The following GYG1 variants were observed in gnomAD, a reference collection of about 807,000 sequenced individuals.
GYG1 encodes glycogenin 1.
A neutral mutation model predicts 41.9 loss-of-function variants in GYG1; 44 were observed. The ratio of observed to expected loss-of-function variants is 1.05; its 90% confidence interval spans 0.83 to 1.35. GYG1 has a LOEUF of 1.35. GYG1 is among the 40% of genes most tolerant of loss of function. GYG1 has a pLI of 0.00. For synonymous variants in GYG1, 141 were observed against 158.1 expected, an observed-to-expected ratio of 0.89 and a Z score of 0.81; for missense variants, 429 against 418.9, an observed-to-expected ratio of 1.02 and a Z score of -0.21.
intron 4 of GYG1, among the ~76,000 whole-genome samples, chr3:148,999,029 C>CT (rs2107890375): frequency 6.6e-6 from 1 of 152,296 alleles, no homozygotes; most frequent in African/African-American, 2.4e-5. Flanking sequence ...AATTTCTAAC[C>CT]TAGAAAACGA....
At chr3:149,025,346 G>T (rs1714596082) in intron 6 of GYG1, among the ~76,000 whole-genome samples, 1 of 152,112 alleles carries the variant, frequency 6.6e-6, no homozygotes. Flanking sequence ...GCTTCTATGA[G>T]AATCTAACCA....
intron 5 of GYG1, among the ~76,000 whole-genome samples, chr3:149,021,169 A>G (rs1405346867): frequency 1.3e-5 from 2 of 152,224 alleles, no homozygotes; most frequent in Non-Finnish European, 2.9e-5. Flanking sequence ...CTGCCCTGAT[A>G]GCCCCAACTT....
intron 6 of GYG1, among the ~76,000 whole-genome samples, chr3:149,025,658 A>ATAT (rs1256940764): frequency 2.0e-5 from 3 of 152,194 alleles, no homozygotes; most frequent in African/African-American, 7.2e-5. Flanking sequence ...TAAAGAAGTT[A>ATAT]TATAACTTGT....
chr3:149,010,241 A>G lies in GYG1; in HGVS notation c.608+839A>G, dbSNP rs141381660. Among the ~76,000 whole-genome samples, 715 of 152,326 alleles carry G rather than the reference A, an allele frequency of 4.7e-3. 3 individuals are homozygous for G. The highest frequency in any genetic ancestry group is 0.016 in the African/African-American group (672 of 41,574). ...CTCATAGGGTTGTCAGGAGGATGAA[A>G]CAAATTAATACATATAAAGTGCTCA... On this transcript the variant is annotated intron_variant, in intron 5 of 7. Transcript: ENST00000345003.
chr3:149,026,795 T>C lies in GYG1; in HGVS notation c.915T>C (p.Leu305=). ...CAGGAGCCATATCACATCTGTCCCTTGGGGAGATCCCAGCTATGGCACAGC... is the reference window on the plus strand; with the variant it reads ...CAGGAGCCATATCACATCTGTCCCTCGGGGAGATCCCAGCTATGGCACAGC... ...DVSGAISHLS[L]GEIPAMAQPF... Residue 305 remains leucine, a synonymous_variant, in exon 8 of 8, where the codon CTT becomes CTC. Transcript: ENST00000345003. 1.2e-6 allele frequency: 2 copies of C among 1,613,720 alleles called. No homozygotes were observed. Among genetic ancestry groups the C allele is most frequent in the Middle Eastern group, 1.7e-4 (1 of 6,058 alleles).
intron 4 of GYG1, among the ~76,000 whole-genome samples, chr3:149,002,067 G>A (rs144171613): frequency 9.3e-4 from 142 of 152,214 alleles, no homozygotes; most frequent in Middle Eastern, 3.4e-3. Flanking sequence ...ACAGTTCATC[G>A]TCTTGCAGTG....
At position 149,024,101 on chromosome 3, in the gene GYG1, A is replaced by G. The variant is rs956327847; in HGVS notation, c.657A>G (p.Pro219=). 7 of 1,614,078 alleles carry G rather than the reference A, an allele frequency of 4.3e-6. No homozygotes were observed. Among genetic ancestry groups the G allele is most frequent in the Non-Finnish European group, 5.1e-6 (6 of 1,180,014 alleles). ...KVVHFLGRVK[P]WNYTYDPKTK... ...TGCATTTCCTGGGACGAGTCAAACC[A>G]TGGAATTATACTTATGATCCCAAAA... Residue 219 remains proline (P), a synonymous_variant, in exon 6 of 8, where the codon CCA becomes CCG. Transcript: ENST00000345003.
At chr3:149,005,754 TA>T (rs1713365721) in intron 4 of GYG1, among the ~76,000 whole-genome samples, 1 of 152,200 alleles carries the variant, frequency 6.6e-6, no homozygotes. Flanking sequence ...AAGAGTTTTT[TA>T]AAAACCTGTT....
chr3:149,010,859 G>A (rs946388229), intron 5 of GYG1, among the ~76,000 whole-genome samples: 4 of 152,182 alleles, frequency 2.6e-5, no homozygotes, highest in African/African-American at 9.7e-5. Flanking sequence ...ACATTCCTGA[G>A]TTAGCGGAAA....
intron 4 of GYG1, among the ~76,000 whole-genome samples, chr3:149,006,336 C>T (rs1713405059): frequency 6.6e-6 from 1 of 152,118 alleles, no homozygotes; most frequent in African/African-American, 2.4e-5. Flanking sequence ...CCACCTCGGC[C>T]TCCCAAAGTG....
chr3:148,992,895 G>C (rs1382514990), intron 1 of GYG1: 4 of 151,898 alleles, frequency 2.6e-5, no homozygotes, highest in African/African-American at 7.3e-5. Context: ...CAGGTCAGCA[G>C]CCGAGGGATG....
chr3:149,004,583 A>G (rs1713289661), intron 4 of GYG1, among the ~76,000 whole-genome samples: 1 of 152,246 alleles, frequency 6.6e-6, no homozygotes. Flanking sequence ...GAATTTAAAA[A>G]TTCAGCTACG....
At position 149,026,352 on chromosome 3, in the gene GYG1, A is replaced by C; in HGVS notation, c.829-100A>C. 4.9e-6 allele frequency: 4 copies of C among 811,002 alleles called. No homozygotes were observed. The Middle Eastern group carries it at 6.7e-4, about 135-fold the overall frequency. 50.2% of individuals were successfully genotyped at this position (811,002 alleles called of 1,614,324 possible). On this transcript the variant is annotated intron_variant, in intron 6 of 7. Coordinates refer to ENST00000345003, the MANE Select transcript of GYG1 (RefSeq NM_004130.4). Reference sequence around the variant, plus strand: ...TAGCCTGTTGGGTATCATTTTGTTTAAGTTCTCAACCTTTCAGAGCCCACA... The same window carrying C: ...TAGCCTGTTGGGTATCATTTTGTTTCAGTTCTCAACCTTTCAGAGCCCACA...
chr3:149,006,080 C>CTTTTT (rs34268321), intron 4 of GYG1, among the ~76,000 whole-genome samples: 10 of 117,214 alleles, frequency 8.5e-5, no homozygotes, highest in East Asian at 2.4e-4. Flanking sequence ...TCATCATATT[C>CTTTTT]TTTTTTTTTT....
At chr3:149,003,405 C>T (rs749051971) in intron 4 of GYG1, among the ~76,000 whole-genome samples, 6 of 152,038 alleles carry the variant, frequency 3.9e-5, no homozygotes, top group Non-Finnish European at 7.4e-5. Context: ...TGTGAGTCAC[C>T]GTGCCTGGAC....
intron 5 of GYG1, among the ~76,000 whole-genome samples, chr3:149,017,682 G>A (rs28691610): frequency 1.6e-5 from 2 of 123,634 alleles, no homozygotes; most frequent in African/African-American, 2.9e-5. Context: ...TGCAACCTCC[G>A]CCTCCTCCCA....
intron 4 of GYG1, among the ~76,000 whole-genome samples, chr3:149,005,013 C>T (rs767396563): frequency 2.6e-5 from 4 of 152,154 alleles, no homozygotes; most frequent in African/African-American, 4.8e-5. Flanking sequence ...TTTACAACTA[C>T]GATTTAGGCC....
chr3:149,025,157 A>G (rs753296402), intron 6 of GYG1, among the ~76,000 whole-genome samples: 24 of 152,238 alleles, frequency 1.6e-4, no homozygotes, highest in Admixed American at 7.2e-4. Context: ...TTTGTACAGC[A>G]GTGGTCCCCA....
At chr3:149,013,099 C>T (rs370406977) in intron 5 of GYG1, among the ~76,000 whole-genome samples, 2 of 151,924 alleles carry the variant, frequency 1.3e-5, no homozygotes, top group East Asian at 1.9e-4. Context: ...GTGATCCTCC[C>T]ACTTCAGCCT....
Sources: allele counts gnomAD v4.1 joint callset (sites outside exome capture counted in the v4.1 genomes callset), GRCh38; gene constraint gnomAD v4.1.1; transcripts MANE v1.5; gene names NCBI Gene and HGNC (gene_info 2026-07-23, HGNC 2026-07-21).